LPP: variants seen among roughly 807,000 people sequenced by gnomAD.
LPP encodes LIM domain containing preferred translocation partner in lipoma, also known as lipoma-preferred partner.
A neutral mutation model predicts 60.4 loss-of-function variants in LPP; 38 were observed. The ratio of observed to expected loss-of-function variants is 0.63; its 90% CI spans 0.49 to 0.83. The LOEUF (loss-of-function observed/expected upper bound fraction) is 0.83, where lower values mean the gene tolerates loss of function less well. Ranked by LOEUF, LPP falls within the 40% of genes least tolerant of loss-of-function variation. The probability of loss-of-function intolerance (pLI) is 0.00; values close to 1 mark genes in which losing one functional copy is unlikely to be tolerated. For missense variants in LPP, 902 were observed against 783.6 expected, an observed-to-expected ratio of 1.15 and a Z score of -1.80; for synonymous variants, 328 against 290.8, an observed-to-expected ratio of 1.13 and a Z score of -1.30.
intron 9 of LPP, among the ~76,000 whole-genome samples, chr3:188,834,329 T>C (rs1464838839): frequency 7.1e-6 from 1 of 140,692 alleles, no homozygotes; most frequent in Non-Finnish European, 1.5e-5. Flanking sequence ...TGGGTGTTTT[T>C]TTTTTTTTTT....
chr3:188,632,180 T>C (rs898141187), intron 7 of LPP, among the ~76,000 whole-genome samples: 37 of 152,328 alleles, frequency 2.4e-4, no homozygotes, highest in African/African-American at 8.4e-4. Flanking sequence ...ATTTATTTAG[T>C]GTATACTATA....
chr3:188,661,981 G>A (rs774593132), intron 7 of LPP, among the ~76,000 whole-genome samples: 14 of 152,190 alleles, frequency 9.2e-5, no homozygotes, highest in Non-Finnish European at 2.1e-4. Flanking sequence ...TTATTGCAGT[G>A]CACTTGCACA....
At chr3:188,799,352 T>A (rs1304888236) in intron 9 of LPP, among the ~76,000 whole-genome samples, 2 of 152,222 alleles carry the variant, frequency 1.3e-5, no homozygotes, top group African/African-American at 4.8e-5. Context: ...CCACTTAAGA[T>A]TTAAAGCTCT....
At chr3:188,500,783 T>C (rs1487987485) in intron 5 of LPP, among the ~76,000 whole-genome samples, 1 of 152,196 alleles carries the variant, frequency 6.6e-6, no homozygotes, top group African/African-American at 2.4e-5. Context: ...GTGCATTTTG[T>C]GTTTCTTGAA....
intron 9 of LPP, among the ~76,000 whole-genome samples, chr3:188,760,924 T>C (rs1272900712): frequency 6.6e-6 from 1 of 152,210 alleles, no homozygotes; most frequent in African/African-American, 2.4e-5. Flanking sequence ...TTTAATAATA[T>C]ACCTGGGTAA....
intron 4 of LPP, among the ~76,000 whole-genome samples, chr3:188,432,994 G>A (rs902425534): frequency 6.6e-6 from 1 of 152,122 alleles, no homozygotes; most frequent in African/African-American, 2.4e-5. Context: ...GATGACCTTT[G>A]CTTTGGCTAT....
intron 7 of LPP, among the ~76,000 whole-genome samples, chr3:188,704,977 C>CAA (rs1865196905): frequency 2.6e-5 from 4 of 152,172 alleles, no homozygotes; most frequent in African/African-American, 9.6e-5. Context: ...CCACTCACAC[C>CAA]AAACTACGTC....
At chr3:188,816,602 A>G (rs1011979246) in intron 9 of LPP, among the ~76,000 whole-genome samples, 1 of 152,150 alleles carries the variant, frequency 6.6e-6, no homozygotes, top group South Asian at 2.1e-4. Flanking sequence ...TGTTACATGT[A>G]CATGTATTGA....
chr3:188,337,797 G>GT (rs1762070085), intron 2 of LPP, among the ~76,000 whole-genome samples: 2 of 152,110 alleles, frequency 1.3e-5, no homozygotes, highest in Non-Finnish European at 2.9e-5. Flanking sequence ...ATCGTGCCTG[G>GT]CCCAGTTATT....
intron 2 of LPP, among the ~76,000 whole-genome samples, chr3:188,240,657 T>C (rs2149454921): frequency 6.6e-6 from 1 of 152,080 alleles, no homozygotes; most frequent in African/African-American, 2.4e-5. Flanking sequence ...TAATCATAAC[T>C]ATCCAATCAT....
At chr3:188,559,170 G>A (rs1250022424) in intron 6 of LPP, among the ~76,000 whole-genome samples, 1 of 152,028 alleles carries the variant, frequency 6.6e-6, no homozygotes, top group Non-Finnish European at 1.5e-5. Context: ...ATCCTAGACT[G>A]GAATTCTAGG....
At chr3:188,421,905 G>T (rs1252300537) in intron 4 of LPP, among the ~76,000 whole-genome samples, 1 of 152,150 alleles carries the variant, frequency 6.6e-6, no homozygotes. Context: ...GGTCCACCAA[G>T]GTTATGGCTC....
intron 9 of LPP, among the ~76,000 whole-genome samples, chr3:188,783,824 G>T (rs1418931199): frequency 6.6e-6 from 1 of 151,974 alleles, no homozygotes; most frequent in African/African-American, 2.4e-5. Context: ...GGACTTCCAT[G>T]TTGCCAAAAC....
chr3:188,824,561 A>G (rs1471737820), intron 9 of LPP, among the ~76,000 whole-genome samples: 1 of 151,920 alleles, frequency 6.6e-6, no homozygotes, highest in African/African-American at 2.4e-5. Flanking sequence ...CTGTTTGGGG[A>G]TGGTATCACC....
chr3:188,350,800 A>G (rs1192440120), intron 3 of LPP, among the ~76,000 whole-genome samples: 1 of 152,226 alleles, frequency 6.6e-6, no homozygotes, highest in Non-Finnish European at 1.5e-5. Context: ...TATGAAACAT[A>G]GGATGTTAAG....
rs1255399659 is a variant in LPP at position 188,889,254 on chromosome 3, A to C, written c.*14775A>C. On this transcript the variant is annotated 3_prime_UTR_variant, in exon 12 of 12. Transcript: ENST00000617246. ...TAGTTCCATCACTGACAAAACTGTCAATACTGTTGATGGAGCAGCAGCATA... is the reference window on the plus strand; with the variant it reads ...TAGTTCCATCACTGACAAAACTGTCCATACTGTTGATGGAGCAGCAGCATA... 3 of 230,726 alleles carry C rather than the reference A, an allele frequency of 1.3e-5. No individual in the cohort carries two copies. The highest frequency in any genetic ancestry group is 2.6e-5 in the Non-Finnish European group (3 of 116,506). 14.3% of individuals were successfully genotyped at this position (230,726 alleles called of 1,614,324 possible). A position where few individuals can be genotyped will look rare whatever the true frequency, so the allele number is the denominator to read the frequency against.
chr3:188,403,365 C>T (rs1221232454), intron 3 of LPP, among the ~76,000 whole-genome samples: 1 of 152,180 alleles, frequency 6.6e-6, no homozygotes. Context: ...GAAAATACTG[C>T]ATCCTATATT....
intron 9 of LPP, among the ~76,000 whole-genome samples, chr3:188,828,222 T>C (rs1756108089): frequency 6.6e-6 from 1 of 151,920 alleles, no homozygotes; most frequent in African/African-American, 2.4e-5. Context: ...AAGTACATGC[T>C]GGGAGAGAAA....
In LPP at chr3:188,832,206, G is replaced by A. The variant is rs144862645; in HGVS notation, c.1411-33994G>A. Among the ~76,000 whole-genome samples the A allele has an allele frequency of 7.2e-3, 1,097 of 152,202 alleles. 9 individuals carry two copies. The highest frequency in any genetic ancestry group is 0.012 in the Admixed American group (178 of 15,280). ...ACCATGATTACATGTTGTGATATACGAGTCCATCTCAGCAGATAGAGAGAC... is the reference window on the plus strand; with the variant it reads ...ACCATGATTACATGTTGTGATATACAAGTCCATCTCAGCAGATAGAGAGAC... On this transcript the variant is annotated intron_variant, in intron 9 of 11. Transcript: ENST00000617246.
Sources: gnomAD v4.1 joint callset for allele counts (sites outside exome capture counted in the v4.1 genomes callset) on GRCh38, gnomAD v4.1.1 for gene constraint, MANE v1.5 for transcripts, NCBI Gene and HGNC (gene_info 2026-07-23, HGNC 2026-07-21) for gene names.